SORCS3: variants seen among roughly 807,000 people sequenced by gnomAD.
SORCS3 encodes VPS10 domain-containing receptor SorCS3.
In SORCS3, 57 loss-of-function variants were observed where a neutral mutation model predicts 146.3. The ratio of observed to expected loss-of-function variants is 0.39; its 90% CI spans 0.31 to 0.49. The LOEUF (loss-of-function observed/expected upper bound fraction) is 0.49. Ranked by LOEUF, SORCS3 falls within the 20% of genes least tolerant of loss-of-function variation. SORCS3 has a pLI of 0.92. For synonymous variants in SORCS3, 653 were observed against 618.5 expected (o/e 1.06, Z -0.83); for missense variants, 1,341 against 1,575.5 (o/e 0.85, Z 2.52).
chr10:105,001,414 G>C (rs1218583707), intron 4 of SORCS3, among the ~76,000 whole-genome samples: 1 of 152,240 alleles, frequency 6.6e-6, no homozygotes, highest in African/African-American at 2.4e-5. Flanking sequence ...AGAGAGAACA[G>C]ATTGTGTCTA....
intron 5 of SORCS3, among the ~76,000 whole-genome samples, chr10:105,074,274 C>T (rs1027431029): frequency 1.4e-4 from 22 of 152,302 alleles, no homozygotes; most frequent in African/African-American, 5.1e-4. Context: ...CATTTATCAG[C>T]TGCGGTGACT....
At chr10:105,247,147 G>T in intron 21 of SORCS3, 72 bp from the exon 22 acceptor site, 2 of 701,498 alleles carry the variant, frequency 2.9e-6, no homozygotes, top group East Asian at 2.9e-5. Context: ...AGTGATGGTG[G>T]AGCTCCACAC....
intron 1 of SORCS3, among the ~76,000 whole-genome samples, chr10:104,654,446 C>T (rs1408345120): frequency 6.6e-6 from 1 of 152,182 alleles, no homozygotes; most frequent in Non-Finnish European, 1.5e-5. Context: ...TCCCTTTTCT[C>T]CATGTCCTCA....
chr10:105,213,375 T>C (rs1381992908), intron 17 of SORCS3, among the ~76,000 whole-genome samples: 1 of 152,138 alleles, frequency 6.6e-6, no homozygotes, highest in Non-Finnish European at 1.5e-5. Flanking sequence ...GAAACCACCA[T>C]AGGAAGGCAA....
intron 5 of SORCS3, among the ~76,000 whole-genome samples, chr10:105,080,482 C>G (rs1473800046): frequency 1.3e-5 from 2 of 151,990 alleles, no homozygotes; most frequent in East Asian, 3.9e-4. Context: ...TTCTCCCATT[C>G]TGTAGGTTGT....
chr10:105,239,517 C>T (rs1487344011), intron 20 of SORCS3, among the ~76,000 whole-genome samples: 1 of 152,124 alleles, frequency 6.6e-6, no homozygotes, highest in Non-Finnish European at 1.5e-5. Context: ...AGAGCTTTGT[C>T]GATTTCTTGC....
chr10:104,884,622 G>A (rs1284620579), intron 2 of SORCS3, among the ~76,000 whole-genome samples: 3 of 152,146 alleles, frequency 2.0e-5, no homozygotes, highest in African/African-American at 7.2e-5. Context: ...TTTGTTCTTA[G>A]AGAAGGGAGG....
At chr10:105,028,097 A>G (rs1391214588) in intron 4 of SORCS3, among the ~76,000 whole-genome samples, 3 of 152,188 alleles carry the variant, frequency 2.0e-5, no homozygotes, top group East Asian at 1.9e-4. Context: ...AACTACCACA[A>G]ATAATGAGAC....
At chr10:104,720,886 A>T (rs1158266131) in intron 1 of SORCS3, among the ~76,000 whole-genome samples, 1 of 152,162 alleles carries the variant, frequency 6.6e-6, no homozygotes, top group Non-Finnish European at 1.5e-5. Flanking sequence ...GCCCTTTATC[A>T]GATGTATAGA....
In SORCS3 at chr10:105,087,487, G is replaced by GA. The variant is rs59554883; in HGVS notation, c.1029-2275dup. Among the ~76,000 whole-genome samples the GA allele has an allele frequency of 3.4e-3, 483 of 142,198 alleles. 5 individuals carry two copies. Among genetic ancestry groups the GA allele is most frequent in the African/African-American group, 0.011 (413 of 38,660 alleles). 93.3% of individuals were successfully genotyped at this position (142,198 alleles called of 152,430 possible). The stretch of plus-strand genomic sequence containing the variant: ...ACAAAATGAGACATTTCTCTTCTGG[G>GA]AAAAAAAAAAAAAGAAAGAAAGAAA... On this transcript the variant is annotated intron_variant, in intron 5 of 26. Coordinates refer to ENST00000369701, the MANE Select transcript of SORCS3 (RefSeq NM_014978.3).
intron 5 of SORCS3, among the ~76,000 whole-genome samples, chr10:105,077,704 A>G (rs575856484): frequency 3.3e-5 from 5 of 152,300 alleles, no homozygotes; most frequent in African/African-American, 1.2e-4. Flanking sequence ...CCAGCTTAAG[A>G]TATCCAAGAC....
At chr10:105,137,242 A>G (rs1475552466) in intron 7 of SORCS3, among the ~76,000 whole-genome samples, 3 of 152,110 alleles carry the variant, frequency 2.0e-5, no homozygotes, top group Non-Finnish European at 4.4e-5. Flanking sequence ...CTGCTTTCCC[A>G]TGAATGTGTT....
intron 20 of SORCS3, among the ~76,000 whole-genome samples, chr10:105,225,492 AATAG>A (rs2056729078): frequency 1.3e-5 from 2 of 151,920 alleles, no homozygotes; most frequent in African/African-American, 4.8e-5. Flanking sequence ...GTAGATTTAT[AATAG>A]ATCTTGAAGT....
intron 13 of SORCS3, among the ~76,000 whole-genome samples, chr10:105,173,381 C>G (rs1314438452): frequency 6.6e-6 from 1 of 152,004 alleles, no homozygotes; most frequent in Non-Finnish European, 1.5e-5. Context: ...CTTCTAATTT[C>G]CCCCTCAATT....
chr10:104,643,709 G>GGTGTGTGT (rs3069967), intron 1 of SORCS3, among the ~76,000 whole-genome samples: 23,635 of 144,240 alleles, frequency 0.16, 1,962 homozygotes, highest in Non-Finnish European at 0.18. Flanking sequence ...TGATAATTAG[G>GGTGTGTGT]GTGTGTGTGT....
intron 5 of SORCS3, among the ~76,000 whole-genome samples, chr10:105,056,009 A>G (rs2055443390): frequency 6.6e-6 from 1 of 152,204 alleles, no homozygotes; most frequent in Non-Finnish European, 1.5e-5. Flanking sequence ...AGAGTATTGA[A>G]GGAAGTATTA....
At chr10:104,821,693 T>C (rs934031444) in intron 1 of SORCS3, among the ~76,000 whole-genome samples, 1 of 152,226 alleles carries the variant, frequency 6.6e-6, no homozygotes, top group African/African-American at 2.4e-5. Flanking sequence ...GACTTCTCCC[T>C]TTGTTTTCTC....
chr10:105,136,976 A>C (rs1157577681), intron 7 of SORCS3, among the ~76,000 whole-genome samples: 1 of 152,150 alleles, frequency 6.6e-6, no homozygotes, highest in African/African-American at 2.4e-5. Flanking sequence ...GCAGGGCTCT[A>C]ATAGACATGG....
intron 6 of SORCS3, among the ~76,000 whole-genome samples, chr10:105,105,004 A>C (rs780606242): frequency 3.3e-5 from 5 of 152,218 alleles, no homozygotes; most frequent in Non-Finnish European, 7.3e-5. Flanking sequence ...CTCTGTGGAA[A>C]TATGAGTCTT....
Sources: gnomAD v4.1 joint callset for allele counts (sites outside exome capture counted in the v4.1 genomes callset) on GRCh38, gnomAD v4.1.1 for gene constraint, MANE v1.5 for transcripts, NCBI Gene and HGNC (gene_info 2026-07-23, HGNC 2026-07-21) for gene names.